The following ANO4 variants were observed in gnomAD, a reference collection of about 807,000 sequenced individuals.
The protein encoded by ANO4 is anoctamin 4.
Under a neutral mutation model 141.9 loss-of-function variants are expected in ANO4, and 69 were observed. The ratio of observed to expected loss-of-function variants is 0.49; its 90% CI spans 0.40 to 0.59. ANO4 has a LOEUF of 0.59. Among genes scored for constraint, ANO4 ranks in the 20% least tolerant of loss-of-function variants. The pLI is 0.00. For synonymous variants in ANO4, 350 were observed against 394.3 expected, an observed-to-expected ratio of 0.89 and a Z score of 1.33; for missense variants, 894 against 1,162.2, an observed-to-expected ratio of 0.77 and a Z score of 3.36.
intron 1 of ANO4, among the ~76,000 whole-genome samples, chr12:100,801,771 G>C (rs1420897050): frequency 6.6e-6 from 1 of 151,978 alleles, no homozygotes; most frequent in Non-Finnish European, 1.5e-5. Context: ...AGGGAAGGTG[G>C]AAAATGCAAG....
At chr12:101,115,359 G>T (rs1040828497) in intron 24 of ANO4, among the ~76,000 whole-genome samples, 2 of 152,030 alleles carry the variant, frequency 1.3e-5, no homozygotes, top group African/African-American at 4.8e-5. Context: ...AGTCTGAGGT[G>T]GGAGGATCGT....
intron 1 of ANO4, among the ~76,000 whole-genome samples, chr12:100,890,492 A>G (rs76160454): frequency 0.072 from 11,036 of 152,260 alleles, 523 homozygotes; most frequent in African/African-American, 0.1. Flanking sequence ...AACATATTAA[A>G]TATCTGTGAG....
chr12:100,719,463 A>C (rs879689038), intron 1 of ANO4, among the ~76,000 whole-genome samples: 1 of 152,176 alleles, frequency 6.6e-6, no homozygotes, highest in African/African-American at 2.4e-5. Context: ...AACCCTCCGC[A>C]AATCTTCTCT....
At chr12:100,925,591 C>G (rs2041831882) in intron 3 of ANO4, among the ~76,000 whole-genome samples, 1 of 151,062 alleles carries the variant, frequency 6.6e-6, no homozygotes. Flanking sequence ...ACGTGTATAC[C>G]TATGTAACAA....
At chr12:100,931,351 T>C (rs971363913) in intron 3 of ANO4, among the ~76,000 whole-genome samples, 1 of 152,174 alleles carries the variant, frequency 6.6e-6, no homozygotes, top group African/African-American at 2.4e-5. Context: ...TTCAGATAAA[T>C]GTTGAAATGG....
intron 17 of ANO4, among the ~76,000 whole-genome samples, chr12:101,088,356 C>T (rs763235563): frequency 3.3e-5 from 5 of 152,090 alleles, no homozygotes; most frequent in Non-Finnish European, 7.3e-5. Flanking sequence ...TTTTAAATTG[C>T]AGCCCACTCC....
At chr12:100,967,834 G>A (rs1251046910) in intron 5 of ANO4, among the ~76,000 whole-genome samples, 1 of 152,158 alleles carries the variant, frequency 6.6e-6, no homozygotes, top group Non-Finnish European at 1.5e-5. Context: ...TTCAGTCTAT[G>A]CATCTTAAAT....
chr12:100,921,247 A>G (rs912976071), intron 2 of ANO4, among the ~76,000 whole-genome samples: 8 of 152,130 alleles, frequency 5.3e-5, no homozygotes, highest in Non-Finnish European at 7.4e-5. Flanking sequence ...ATAATAGAAT[A>G]TTAAGTTACC....
At chr12:100,999,995 G>C (rs2045568700) in intron 8 of ANO4, among the ~76,000 whole-genome samples, 1 of 149,492 alleles carries the variant, frequency 6.7e-6, no homozygotes, top group Non-Finnish European at 1.5e-5. Flanking sequence ...GTTGCAGTGA[G>C]CCGAGATCAT....
At chr12:101,007,212 G>A (rs1052370664) in intron 8 of ANO4, among the ~76,000 whole-genome samples, 1 of 152,186 alleles carries the variant, frequency 6.6e-6, no homozygotes, top group African/African-American at 2.4e-5. Context: ...AATTAGCTGG[G>A]TGTGATGGCA....
intron 2 of ANO4, among the ~76,000 whole-genome samples, chr12:100,916,461 A>C (rs991835771): frequency 6.6e-6 from 1 of 152,152 alleles, no homozygotes; most frequent in East Asian, 1.9e-4. Context: ...AGCATCTAAT[A>C]TGTTCAAGGC....
chr12:101,097,829 G>C lies in ANO4; in HGVS notation c.1909-19G>C. ...CCTCTCCATTGATTCTGGAATTTCT[G>C]TGTTTGCTTACCTTGCAGTGCCACC... On this transcript the variant is annotated intron_variant, in intron 20 of 27. Transcript: ENST00000392977. 1 of 1,611,716 alleles carries C rather than the reference G, an allele frequency of 6.2e-7. No homozygotes were observed. The highest frequency in any genetic ancestry group is 1.1e-5 in the South Asian group (1 of 91,020).
intron 1 of ANO4, among the ~76,000 whole-genome samples, chr12:100,834,447 A>G (rs1023672725): frequency 2.2e-4 from 34 of 152,112 alleles, no homozygotes; most frequent in African/African-American, 7.7e-4. Flanking sequence ...TTTACCCTTC[A>G]AACTCTGGAA....
At chr12:100,822,571 G>C (rs1207092416) in intron 1 of ANO4, among the ~76,000 whole-genome samples, 4 of 151,920 alleles carry the variant, frequency 2.6e-5, no homozygotes, top group Non-Finnish European at 1.5e-5. Context: ...AAAGGCAGGA[G>C]GCAAATTTTT....
rs1321639026 is a variant in ANO4, at chr12:101,027,648, T to C, written c.841+7508T>C. On this transcript the variant is annotated intron_variant, in intron 9 of 27. Coordinates refer to ENST00000392977, the MANE Select transcript of ANO4 (RefSeq NM_001286615.2). ...GACATATCCTTCCTCACTTCCTATATGGTGGGGCTTCCCTACAGGAACTCC... is the reference window on the plus strand; with the variant it reads ...GACATATCCTTCCTCACTTCCTATACGGTGGGGCTTCCCTACAGGAACTCC... Among the ~76,000 whole-genome samples, 3 of 152,190 alleles carry C rather than the reference T, an allele frequency of 2.0e-5. No homozygotes were observed. In the East Asian group the frequency reaches 5.8e-4, roughly 30 times the overall value.
At chr12:100,941,781 C>T (rs2042523162) in intron 4 of ANO4, among the ~76,000 whole-genome samples, 1 of 151,956 alleles carries the variant, frequency 6.6e-6, no homozygotes, top group South Asian at 2.1e-4. Context: ...AATTTTCACT[C>T]TCATCTCACC....
intron 1 of ANO4, among the ~76,000 whole-genome samples, chr12:100,808,014 T>G (rs139922618): frequency 6.6e-6 from 1 of 152,342 alleles, no homozygotes; most frequent in Non-Finnish European, 1.5e-5. Flanking sequence ...TGAATAGTGA[T>G]GCAGTGAACA....
chr12:101,022,012 G>T (rs1201579372), intron 9 of ANO4, among the ~76,000 whole-genome samples: 1 of 147,470 alleles, frequency 6.8e-6, no homozygotes, highest in Non-Finnish European at 1.5e-5. Context: ...ATGCAAGCTT[G>T]GTGTGAGTCA....
Position 101,066,923 on chromosome 12 carries a change from T to C in ANO4, c.1313-12270T>C, listed in dbSNP as rs2048613567. The C allele has an allele frequency of 4.9e-6, 4 of 815,936 alleles. 1 individual carries two copies. 50.5% of individuals were successfully genotyped at this position (815,936 alleles called of 1,614,324 possible). ...GCCCACATTTCAGAATCCAGAGTTT[T>C]CTGTTACAAGGCAACATGAGGACTT... On this transcript the variant is annotated intron_variant, in intron 14 of 27. Transcript: ENST00000392977.
Sources: allele counts gnomAD v4.1 joint callset (sites outside exome capture counted in the v4.1 genomes callset), GRCh38; gene constraint gnomAD v4.1.1; transcripts MANE v1.5; gene names NCBI Gene and HGNC (gene_info 2026-07-23, HGNC 2026-07-21).